The following EXT1 variants were observed in gnomAD, a reference collection of about 807,000 sequenced individuals.
The protein encoded by EXT1 is exostosin-1.
A neutral mutation model predicts 82.5 loss-of-function variants in EXT1; 20 were observed. The observed-to-expected ratio is 0.24, with a 90% CI of 0.17 to 0.35. The LOEUF (loss-of-function observed/expected upper bound fraction) is 0.35. Ranked by LOEUF, EXT1 falls within the 10% of genes least tolerant of loss-of-function variation. The pLI is 1.00. For synonymous variants in EXT1, 348 were observed against 350.8 expected (o/e 0.99, Z 0.09); for missense variants, 757 against 936.5 (o/e 0.81, Z 2.50).
intron 1 of EXT1, among the ~76,000 whole-genome samples, chr8:117,913,502 G>C (rs1008905344): frequency 1.2e-4 from 19 of 152,136 alleles, no homozygotes; most frequent in Admixed American, 8.5e-4. Context: ...CATTAGTTAA[G>C]TATAAAATCA....
rs1177604245 is a variant in EXT1 at position 117,794,906 on chromosome 8, T to C, written c.*4806A>G. On this transcript the variant is annotated 3_prime_UTR_variant, in exon 11 of 11. Coordinates refer to ENST00000378204, the MANE Select transcript of EXT1 (RefSeq NM_000127.3). ...ATGTCTTTCTTTCTGCCCCTCAACA[T>C]ATCCTATACATATTGTTCTCTCAAA... The C allele has an allele frequency of 6.6e-6, 1 of 152,206 alleles. No homozygotes were observed. The highest frequency in any genetic ancestry group is 6.5e-5 in the Admixed American group (1 of 15,270). 9.4% of individuals were successfully genotyped at this position (152,206 alleles called of 1,614,324 possible).
chr8:118,036,543 G>A (rs1355999384), intron 1 of EXT1, among the ~76,000 whole-genome samples: 2 of 152,272 alleles, frequency 1.3e-5, no homozygotes, highest in African/African-American at 4.8e-5. Flanking sequence ...CTTGAGGATA[G>A]TAATTTCAAT....
intron 3 of EXT1, 47 bp downstream of exon 3, chr8:117,835,397 G>T: frequency 7.2e-7 from 1 of 1,386,178 alleles, no homozygotes; most frequent in Non-Finnish European, 1.0e-6. Context: ...TTGGACGGGG[G>T]CAGCAATAAT....
chr8:118,090,515 T>C (rs2451131), intron 1 of EXT1, among the ~76,000 whole-genome samples: 115,252 of 151,878 alleles, frequency 0.76, 46,969 homozygotes, highest in Non-Finnish European at 0.92. Flanking sequence ...CAGTGGCTCA[T>C]GCCTGTAATC....
intron 3 of EXT1, among the ~76,000 whole-genome samples, chr8:117,832,152 T>A (rs1812110740): frequency 6.6e-6 from 1 of 152,180 alleles, no homozygotes. Context: ...TACCCTCTTC[T>A]AAATGTCAAG....
intron 1 of EXT1, among the ~76,000 whole-genome samples, chr8:117,848,580 C>T (rs1420268500): frequency 1.3e-5 from 2 of 152,152 alleles, no homozygotes; most frequent in Non-Finnish European, 2.9e-5. Context: ...GATATTTACT[C>T]ACTGGACAAA....
At chr8:117,970,110 C>T (rs1453584641) in intron 1 of EXT1, among the ~76,000 whole-genome samples, 4 of 152,182 alleles carry the variant, frequency 2.6e-5, no homozygotes, top group Admixed American at 1.3e-4. Flanking sequence ...AATTCATGAA[C>T]TGCCAGCCTG....
At chr8:117,896,422 A>G (rs1586270459) in intron 1 of EXT1, among the ~76,000 whole-genome samples, 1 of 152,250 alleles carries the variant, frequency 6.6e-6, no homozygotes. Flanking sequence ...AAAGCAAAAA[A>G]CAATGAAGAT....
In EXT1 at chr8:117,934,655, C is replaced by A. The variant is rs551185389; in HGVS notation, c.963-97454G>T. On this transcript the variant is annotated intron_variant, in intron 1 of 10. Coordinates refer to ENST00000378204, the MANE Select transcript of EXT1 (RefSeq NM_000127.3). ...TGGCTAGAGAATGAAATCTGAAATG[C>A]AGCCAGTTCACAGGAAGCCAGCCAG... Among the ~76,000 whole-genome samples, 77 of 152,220 alleles carry A rather than the reference C, an allele frequency of 5.1e-4. 1 individual carries two copies. The highest frequency in any genetic ancestry group is 9.3e-4 in the Non-Finnish European group (63 of 68,048).
intron 1 of EXT1, among the ~76,000 whole-genome samples, chr8:117,952,947 T>A (rs1409680207): frequency 6.6e-6 from 1 of 152,218 alleles, no homozygotes; most frequent in African/African-American, 2.4e-5. Flanking sequence ...TAAGCCATAT[T>A]TTGTAAATGA....
At chr8:117,836,632 C>T (rs1437170605) in intron 2 of EXT1, among the ~76,000 whole-genome samples, 2 of 152,202 alleles carry the variant, frequency 1.3e-5, no homozygotes, top group African/African-American at 2.4e-5. Context: ...GGCTCCAGGG[C>T]TGGAGCCAGG....
intron 1 of EXT1, among the ~76,000 whole-genome samples, chr8:118,031,763 G>T (rs1424984738): frequency 2.0e-5 from 3 of 151,628 alleles, no homozygotes; most frequent in Non-Finnish European, 4.4e-5. Context: ...AGATAGTAAG[G>T]GTCCATTCAA....
At chr8:117,925,383 G>A (rs1458043983) in intron 1 of EXT1, among the ~76,000 whole-genome samples, 1 of 150,886 alleles carries the variant, frequency 6.6e-6, no homozygotes, top group Non-Finnish European at 1.5e-5. Flanking sequence ...AAACCTTTAC[G>A]GTTATTACAG....
intron 1 of EXT1, among the ~76,000 whole-genome samples, chr8:117,992,987 C>T (rs183061092): frequency 1.3e-5 from 2 of 152,328 alleles, no homozygotes; most frequent in East Asian, 1.9e-4. Flanking sequence ...GTGCAAAAAA[C>T]TCTTCCTTCC....
intron 1 of EXT1, among the ~76,000 whole-genome samples, chr8:118,064,348 G>GC (rs1457194623): frequency 7.9e-5 from 12 of 151,810 alleles, no homozygotes; most frequent in Non-Finnish European, 1.6e-4. Flanking sequence ...CCCTTGACAG[G>GC]CCCCGGTGTA....
intron 1 of EXT1, among the ~76,000 whole-genome samples, chr8:117,967,869 C>T (rs573071798): frequency 2.6e-5 from 4 of 152,080 alleles, no homozygotes; most frequent in African/African-American, 9.7e-5. Context: ...GTGGCAGATA[C>T]GTAAAACAAA....
At chr8:117,904,894 C>G (rs1160073903) in intron 1 of EXT1, among the ~76,000 whole-genome samples, 1 of 151,992 alleles carries the variant, frequency 6.6e-6, no homozygotes, top group Non-Finnish European at 1.5e-5. Context: ...AGTTTCTACT[C>G]ACTTTAAGAA....
At chr8:118,065,232 T>G (rs191888639) in intron 1 of EXT1, among the ~76,000 whole-genome samples, 173 of 152,286 alleles carry the variant, frequency 1.1e-3, no homozygotes, top group African/African-American at 3.9e-3. Context: ...ATTTCTCTAA[T>G]GACCCATGAT....
At chr8:118,067,561 T>C (rs1164449068) in intron 1 of EXT1, among the ~76,000 whole-genome samples, 2 of 152,214 alleles carry the variant, frequency 1.3e-5, no homozygotes, top group African/African-American at 2.4e-5. Flanking sequence ...ATACACACCA[T>C]AGCTGAGGAA....
Sources: allele counts gnomAD v4.1 joint callset (sites outside exome capture counted in the v4.1 genomes callset), GRCh38; gene constraint gnomAD v4.1.1; transcripts MANE v1.5; gene names NCBI Gene and HGNC (gene_info 2026-07-23, HGNC 2026-07-21).